The following CARMIL1 variants were observed in gnomAD, a reference collection of about 807,000 sequenced individuals.
CARMIL1 encodes capping protein regulator and myosin 1 linker 1.
CARMIL1 carries 90 observed loss-of-function variants against 177.1 expected under a neutral mutation model. The observed-to-expected ratio is 0.51, with a 90% CI of 0.43 to 0.61. The LOEUF (loss-of-function observed/expected upper bound fraction) is 0.61, where lower values mean the gene tolerates loss of function less well. Among genes scored for constraint, CARMIL1 ranks in the 20% least tolerant of loss-of-function variants. The pLI is 0.00. For missense variants in CARMIL1, 1,380 were observed against 1,667.0 expected, an observed-to-expected ratio of 0.83 and a Z score of 3.00; for synonymous variants, 577 against 606.2, an observed-to-expected ratio of 0.95 and a Z score of 0.71.
At chr6:25,494,204 T>C (rs1312410723) in intron 15 of CARMIL1, among the ~76,000 whole-genome samples, 1 of 152,010 alleles carries the variant, frequency 6.6e-6, no homozygotes, top group Non-Finnish European at 1.5e-5. Flanking sequence ...TTGAATATTA[T>C]GTGGTTGAGC....
chr6:25,541,522 T>C (rs1241431097), intron 26 of CARMIL1, among the ~76,000 whole-genome samples: 1 of 152,246 alleles, frequency 6.6e-6, no homozygotes, highest in East Asian at 1.9e-4. Flanking sequence ...AATAGTATTA[T>C]ACTTTCATAT....
In CARMIL1 at chr6:25,509,853, A is replaced by AT; in HGVS notation, c.1477+122dup. ...TAGCTTAATAAAAAAATTGTTTTTT[A>AT]TTTTTTGACTAATAGGGCTTTTAAA... On this transcript the variant is annotated intron_variant, in intron 18 of 36. Transcript: ENST00000329474. This position sits in a 1 kb window ranked among gnomAD's most constrained non-coding sequence, Gnocchi z 4.1. The AT allele has an allele frequency of 1.4e-6, 1 of 689,798 alleles. No individual in the cohort carries two copies. The allele number at this position is 689,798 out of a possible 1,614,324, so 42.7% of individuals were successfully genotyped here.
At chr6:25,415,469 C>T (rs1229042750) in intron 2 of CARMIL1, among the ~76,000 whole-genome samples, 2 of 136,492 alleles carry the variant, frequency 1.5e-5, no homozygotes, top group African/African-American at 5.4e-5. Context: ...CTCTCCCCAC[C>T]CCCCACCCCC....
intron 4 of CARMIL1, among the ~76,000 whole-genome samples, chr6:25,431,263 A>AGTGTGT (rs71717418): frequency 4.1e-4 from 61 of 148,814 alleles, no homozygotes; most frequent in African/African-American, 1.4e-3. Flanking sequence ...CTACAAAGAA[A>AGTGTGT]GTGTGTGTGT....
intron 8 of CARMIL1, among the ~76,000 whole-genome samples, chr6:25,456,755 C>G (rs1210588980): frequency 2.0e-5 from 3 of 152,124 alleles, no homozygotes; most frequent in African/African-American, 7.2e-5. Flanking sequence ...TTAAGAGGAG[C>G]TAATCCCATC....
At chr6:25,611,188 C>T (rs1220328618) in intron 36 of CARMIL1, among the ~76,000 whole-genome samples, 1 of 152,162 alleles carries the variant, frequency 6.6e-6, no homozygotes, top group Non-Finnish European at 1.5e-5. Flanking sequence ...TTTCTTATCT[C>T]CATCCTACAG....
intron 13 of CARMIL1, among the ~76,000 whole-genome samples, chr6:25,489,126 C>T (rs1802951175): frequency 6.6e-6 from 1 of 151,844 alleles, no homozygotes; most frequent in Non-Finnish European, 1.5e-5. Context: ...GATTACACCA[C>T]TGCACTCCAG....
chr6:25,443,859 A>C (rs930697159), intron 5 of CARMIL1, among the ~76,000 whole-genome samples: 4 of 151,762 alleles, frequency 2.6e-5, no homozygotes, highest in African/African-American at 9.7e-5. Flanking sequence ...GCTAGAGTGC[A>C]ATGGCACGAT....
rs867921429 is a variant in CARMIL1, at chr6:25,435,563, A to G, written c.330A>G (p.Ile110Met). Residue 110 changes from isoleucine to methionine, a missense_variant, in exon 5 of 37, where the codon ATA becomes ATG. Coordinates refer to ENST00000329474, the MANE Select transcript of CARMIL1 (RefSeq NM_017640.6). Reference protein sequence around the residue: ...PEDVSEVLAHIGTCLRKIFPG... With the variant: ...PEDVSEVLAHMGTCLRKIFPG... Reference sequence around the variant, plus strand: ...ACGTGAGTGAGGTGCTGGCTCACATAGGCACCTGCCTGAGGAAGATATTTC... The same window carrying G: ...ACGTGAGTGAGGTGCTGGCTCACATGGGCACCTGCCTGAGGAAGATATTTC... 1.3e-5 allele frequency: 21 copies of G among 1,565,626 alleles called. No homozygotes were observed. The highest frequency in any genetic ancestry group is 1.9e-5 in the Admixed American group (1 of 53,218).
intron 2 of CARMIL1, among the ~76,000 whole-genome samples, chr6:25,374,586 C>A (rs1256252602): frequency 6.6e-6 from 1 of 152,144 alleles, no homozygotes; most frequent in East Asian, 1.9e-4. Context: ...AGTTGACTTT[C>A]TTCCTTGATG....
chr6:25,446,141 C>T (rs1401369487), intron 5 of CARMIL1, among the ~76,000 whole-genome samples: 7 of 152,160 alleles, frequency 4.6e-5, no homozygotes, highest in African/African-American at 1.7e-4. Context: ...TGGAATGGAA[C>T]ATCAGCACTG....
intron 23 of CARMIL1, chr6:25,527,807 G>A (rs1443873713): frequency 3.5e-6 from 1 of 281,720 alleles, no homozygotes; most frequent in Non-Finnish European, 6.9e-6. Context: ...TTGATATTAA[G>A]TAATAGTCAT....
chr6:25,457,182 A>G (rs910764372), intron 8 of CARMIL1, among the ~76,000 whole-genome samples: 1 of 152,164 alleles, frequency 6.6e-6, no homozygotes, highest in Non-Finnish European at 1.5e-5. Context: ...TGTGACGTTA[A>G]TAGTAGAACT....
At position 25,600,312 on chromosome 6, in the gene CARMIL1, A is replaced by G. The variant is rs1183821916; in HGVS notation, c.3120-2A>G. On this transcript the variant is annotated splice_acceptor_variant, in intron 32 of 36. Coordinates refer to ENST00000329474, the MANE Select transcript of CARMIL1 (RefSeq NM_017640.6). LOFTEE classifies it high-confidence loss of function. The stretch of plus-strand genomic sequence containing the variant: ...AGATCTGTGTCTTGGTTTGAAATGC[A>G]GGAAATGGTCAACAAGAGGCTCAGA... The G allele has an allele frequency of 6.2e-7, 1 of 1,601,742 alleles. No individual in the cohort carries two copies. The highest frequency in any genetic ancestry group is 8.5e-7 in the Non-Finnish European group (1 of 1,174,550).
chr6:25,497,461 A>G (rs887921005), intron 16 of CARMIL1, among the ~76,000 whole-genome samples: 2 of 152,110 alleles, frequency 1.3e-5, no homozygotes, highest in African/African-American at 2.4e-5. Context: ...TTATAAGGAC[A>G]TTCTCTTGGG....
chr6:25,611,956 G>A (rs917172577), intron 36 of CARMIL1, among the ~76,000 whole-genome samples: 2 of 152,180 alleles, frequency 1.3e-5, no homozygotes, highest in East Asian at 3.8e-4. Flanking sequence ...ATGTTTCAGA[G>A]CTTTAGGGGT....
At chr6:25,441,941 T>A (rs1304681111) in intron 5 of CARMIL1, among the ~76,000 whole-genome samples, 1 of 151,862 alleles carries the variant, frequency 6.6e-6, no homozygotes, top group Non-Finnish European at 1.5e-5. Flanking sequence ...AGGTATGAGG[T>A]ATGAAAATGT....
At chr6:25,322,809 A>G (rs888073128) in intron 2 of CARMIL1, among the ~76,000 whole-genome samples, 2 of 152,138 alleles carry the variant, frequency 1.3e-5, no homozygotes, top group African/African-American at 4.8e-5. Flanking sequence ...CTCCTTCTCA[A>G]TATTCACACA....
At chr6:25,537,340 C>T (rs1258582205) in intron 24 of CARMIL1, among the ~76,000 whole-genome samples, 1 of 152,006 alleles carries the variant, frequency 6.6e-6, no homozygotes, top group Non-Finnish European at 1.5e-5. Flanking sequence ...TTTTAAAATA[C>T]CAATTTTTAA....
Sources: allele counts gnomAD v4.1 joint callset (sites outside exome capture counted in the v4.1 genomes callset), GRCh38; gene constraint gnomAD v4.1.1; non-coding constraint Gnocchi (gnomAD v3.1); transcripts MANE v1.5; gene names NCBI Gene and HGNC (gene_info 2026-07-23, HGNC 2026-07-21).